ADAMTSL1: variants seen among roughly 807,000 people sequenced by gnomAD.
ADAMTSL1 encodes ADAMTS like 1, also known as ADAMTS-like protein 1.
In ADAMTSL1, 126 loss-of-function variants were observed where a neutral mutation model predicts 201.8. The observed-to-expected ratio is 0.62, with a 90% confidence interval of 0.54 to 0.72. ADAMTSL1 has a LOEUF of 0.72. Ranked by LOEUF, ADAMTSL1 falls within the 30% of genes least tolerant of loss-of-function variation. The pLI is 0.00. For missense variants in ADAMTSL1, 2,679 were observed against 2,277.8 expected, an observed-to-expected ratio of 1.18 and a Z score of -3.59; for synonymous variants, 1,121 against 903.4, an observed-to-expected ratio of 1.24 and a Z score of -4.32.
At chr9:18,163,625 G>T (rs559546679) in intron 1 of ADAMTSL1, among the ~76,000 whole-genome samples, 3 of 152,046 alleles carry the variant, frequency 2.0e-5, no homozygotes, top group African/African-American at 7.2e-5. Context: ...TTTTGAGATT[G>T]TACACCCGTC....
At chr9:18,553,069 T>A (rs1466418641) in intron 3 of ADAMTSL1, among the ~76,000 whole-genome samples, 1 of 151,614 alleles carries the variant, frequency 6.6e-6, no homozygotes, top group Non-Finnish European at 1.5e-5. Context: ...TTATAATATT[T>A]GCTTTCTTCC....
intron 15 of ADAMTSL1, among the ~76,000 whole-genome samples, chr9:18,724,609 T>G (rs1384977433): frequency 6.6e-6 from 1 of 152,252 alleles, no homozygotes; most frequent in Non-Finnish European, 1.5e-5. Flanking sequence ...TTAGAGTTCT[T>G]GCTATCAGCT....
intron 1 of ADAMTSL1, among the ~76,000 whole-genome samples, chr9:18,010,943 A>G (rs1820027610): frequency 6.6e-6 from 1 of 151,948 alleles, no homozygotes; most frequent in South Asian, 2.1e-4. Flanking sequence ...ATTATTTTTT[A>G]TTTGTATGAT....
intron 2 of ADAMTSL1, among the ~76,000 whole-genome samples, chr9:18,234,307 T>C (rs1347005921): frequency 1.3e-5 from 2 of 152,062 alleles, no homozygotes; most frequent in Non-Finnish European, 2.9e-5. Context: ...ATATAAAATA[T>C]GTTGCTTTTG....
intron 1 of ADAMTSL1, among the ~76,000 whole-genome samples, chr9:17,945,732 C>T (rs559403275): frequency 1.3e-3 from 188 of 149,314 alleles, no homozygotes; most frequent in African/African-American, 4.2e-3. Context: ...AACCAAACAC[C>T]GCATATTCTC....
At chr9:18,503,470 C>T (rs545787196) in intron 1 of ADAMTSL1, among the ~76,000 whole-genome samples, 4 of 129,162 alleles carry the variant, frequency 3.1e-5, no homozygotes, top group Non-Finnish European at 6.8e-5. Context: ...TTCATCCACT[C>T]ATGGACATTT....
At chr9:18,692,805 G>A (rs562175307) in intron 13 of ADAMTSL1, among the ~76,000 whole-genome samples, 45 of 152,312 alleles carry the variant, frequency 3.0e-4, no homozygotes, top group Non-Finnish European at 4.7e-4. Flanking sequence ...AACTACAAAT[G>A]CAGTGATAGC....
intron 23 of ADAMTSL1, among the ~76,000 whole-genome samples, chr9:18,880,001 C>G (rs928898834): frequency 6.6e-6 from 1 of 152,220 alleles, no homozygotes; most frequent in Non-Finnish European, 1.5e-5. Flanking sequence ...GATTCCATCT[C>G]AAGAAACCAC....
intron 26 of ADAMTSL1, among the ~76,000 whole-genome samples, chr9:18,902,967 G>T (rs1364796203): frequency 6.6e-6 from 1 of 152,224 alleles, no homozygotes; most frequent in East Asian, 1.9e-4. Context: ...CACTTTGGGA[G>T]TCTGAAGCAG....
At chr9:18,328,462 A>G (rs578117637) in intron 2 of ADAMTSL1, among the ~76,000 whole-genome samples, 30 of 152,206 alleles carry the variant, frequency 2.0e-4, no homozygotes, top group Non-Finnish European at 4.3e-4. Context: ...AGTATTTTCC[A>G]TGTATTAACT....
intron 2 of ADAMTSL1, among the ~76,000 whole-genome samples, chr9:18,180,018 C>T (rs1217971960): frequency 6.6e-6 from 1 of 151,912 alleles, no homozygotes; most frequent in Admixed American, 6.6e-5. Context: ...CAAATTCACA[C>T]ATAACAATAT....
intron 2 of ADAMTSL1, among the ~76,000 whole-genome samples, chr9:18,212,969 C>G (rs1021966765): frequency 6.6e-6 from 1 of 152,176 alleles, no homozygotes; most frequent in African/African-American, 2.4e-5. Context: ...ATGCAAATTA[C>G]TAGCATTTTG....
chr9:18,379,396 C>CT (rs1423794795), intron 2 of ADAMTSL1, among the ~76,000 whole-genome samples: 6 of 152,078 alleles, frequency 3.9e-5, no homozygotes, highest in Admixed American at 6.6e-5. Context: ...AAGCAGTCAG[C>CT]TTTTTTTTCC....
intron 2 of ADAMTSL1, among the ~76,000 whole-genome samples, chr9:18,394,649 A>T (rs1176065789): frequency 2.0e-5 from 3 of 151,984 alleles, no homozygotes; most frequent in Non-Finnish European, 4.4e-5. Flanking sequence ...GATAAAAGAA[A>T]GTTGATTATA....
chr9:18,403,793 C>T (rs907288786), intron 2 of ADAMTSL1, among the ~76,000 whole-genome samples: 10 of 152,020 alleles, frequency 6.6e-5, no homozygotes, highest in African/African-American at 9.7e-5. Flanking sequence ...TGAAATTTTA[C>T]TTTCTTTATC....
At chr9:18,559,263 A>T (rs1373828683) in intron 3 of ADAMTSL1, among the ~76,000 whole-genome samples, 1 of 152,180 alleles carries the variant, frequency 6.6e-6, no homozygotes, top group Non-Finnish European at 1.5e-5. Flanking sequence ...TTAAATAGGG[A>T]ACCCTTTCAC....
chr9:18,263,623 C>T (rs918086509), intron 2 of ADAMTSL1, among the ~76,000 whole-genome samples: 1 of 152,176 alleles, frequency 6.6e-6, no homozygotes, highest in Non-Finnish European at 1.5e-5. Context: ...TGTCCCCTAC[C>T]CCAATTCATA....
intron 1 of ADAMTSL1, among the ~76,000 whole-genome samples, chr9:18,149,368 A>G (rs1271552185): frequency 6.6e-6 from 1 of 152,090 alleles, no homozygotes; most frequent in African/African-American, 2.4e-5. Context: ...GCAAAGAAGA[A>G]AAAATGGTTG....
chr9:18,848,267 G>A (rs1049722919), intron 23 of ADAMTSL1, among the ~76,000 whole-genome samples: 2 of 152,110 alleles, frequency 1.3e-5, no homozygotes, highest in African/African-American at 4.8e-5. Context: ...GATGGGACAA[G>A]GCATCAGTAC....
Sources: gnomAD v4.1 joint callset for allele counts (sites outside exome capture counted in the v4.1 genomes callset) on GRCh38, gnomAD v4.1.1 for gene constraint, MANE v1.5 for transcripts, NCBI Gene and HGNC (gene_info 2026-07-23, HGNC 2026-07-21) for gene names.